Variants in ROBO1 observed in about 807,000 individuals in gnomAD.
ROBO1 encodes the protein roundabout homolog 1.
A neutral mutation model predicts 195.9 loss-of-function variants in ROBO1; 149 were observed. The ratio of observed to expected loss-of-function variants is 0.76; its 90% CI spans 0.67 to 0.87. The LOEUF is 0.87. Among genes scored for constraint, ROBO1 ranks in the 40% least tolerant of loss-of-function variants. The pLI is 0.00. For missense variants in ROBO1, 1,933 were observed against 2,068.3 expected (o/e 0.93, Z 1.27); for synonymous variants, 816 against 733.2 (o/e 1.11, Z -1.82).
chr3:79,436,739 T>C (rs2038902948), intron 2 of ROBO1, among the ~76,000 whole-genome samples: 1 of 152,078 alleles, frequency 6.6e-6, no homozygotes, highest in Non-Finnish European at 1.5e-5. Context: ...ATGAAGATCA[T>C]GTTCTTAATT....
intron 10 of ROBO1, among the ~76,000 whole-genome samples, chr3:78,675,636 G>A (rs1253899675): frequency 6.6e-6 from 1 of 152,160 alleles, no homozygotes; most frequent in Non-Finnish European, 1.5e-5. Context: ...CCATTGCCGA[G>A]TTAGTTGTTT....
chr3:79,343,472 GAAAT>G (rs989055765), intron 2 of ROBO1, among the ~76,000 whole-genome samples: 2 of 152,088 alleles, frequency 1.3e-5, no homozygotes, highest in Non-Finnish European at 2.9e-5. Flanking sequence ...ATTGGAATTT[GAAAT>G]AAATAAACTG....
At chr3:78,619,801 T>G (rs145009364) in intron 26 of ROBO1, among the ~76,000 whole-genome samples, 61 of 152,014 alleles carry the variant, frequency 4.0e-4, no homozygotes, top group African/African-American at 1.4e-3. Flanking sequence ...GTGGATCACC[T>G]GAGGTCAGGA....
chr3:78,883,170 T>G (rs2036287362), intron 4 of ROBO1, among the ~76,000 whole-genome samples: 1 of 152,090 alleles, frequency 6.6e-6, no homozygotes, highest in Admixed American at 6.6e-5. Context: ...GACAAGTCGT[T>G]GTGTTTAGTT....
chr3:79,555,471 A>G (rs1398452456), intron 2 of ROBO1, among the ~76,000 whole-genome samples: 4 of 152,152 alleles, frequency 2.6e-5, no homozygotes, highest in African/African-American at 9.7e-5. Flanking sequence ...AAAAACATAG[A>G]GAAGAAAGAG....
chr3:78,832,743 A>G (rs2032343439), intron 4 of ROBO1, among the ~76,000 whole-genome samples: 1 of 152,130 alleles, frequency 6.6e-6, no homozygotes, highest in African/African-American at 2.4e-5. Context: ...AGGTTGGTAG[A>G]AAAAACTAGG....
chr3:78,668,661 A>T, intron 11 of ROBO1, 96 bp from the exon 12 acceptor site: 1 of 1,005,866 alleles, frequency 9.9e-7, no homozygotes, highest in Non-Finnish European at 1.5e-6. Context: ...ATGAATATGG[A>T]TAACTGCATT....
intron 1 of ROBO1, among the ~76,000 whole-genome samples, chr3:79,720,937 C>T (rs542024679): frequency 2.0e-5 from 3 of 152,090 alleles, no homozygotes; most frequent in South Asian, 2.1e-4. Context: ...GGACTACAGG[C>T]GCCCGCCACC....
intron 3 of ROBO1, among the ~76,000 whole-genome samples, chr3:79,119,819 G>A (rs2080082753): frequency 6.6e-6 from 1 of 151,518 alleles, no homozygotes; most frequent in Non-Finnish European, 1.5e-5. Flanking sequence ...TGACCAGGCT[G>A]GAGTGCAGTG....
rs11427323 is a variant in ROBO1 at position 78,645,452 on chromosome 3, G to GAA, written c.2882+694_2882+695dup. ...GTAAGCTAGATGTTACTGTTTTGGA[G>GAA]AAAAAAAAAACATCTTATTGTGAAA... is the stretch of plus-strand genomic sequence containing the variant. On this transcript the variant is annotated intron_variant, in intron 21 of 30. Coordinates refer to ENST00000464233, the MANE Select transcript of ROBO1 (RefSeq NM_002941.4). Among the ~76,000 whole-genome samples, 916 of 146,386 alleles carry GAA rather than the reference G, an allele frequency of 6.3e-3. 8 individuals are homozygous for GAA. Among genetic ancestry groups the GAA allele is most frequent in the South Asian group, 0.018 (85 of 4,654 alleles).
At chr3:78,883,760 G>A (rs542188369) in intron 4 of ROBO1, among the ~76,000 whole-genome samples, 4 of 152,210 alleles carry the variant, frequency 2.6e-5, no homozygotes, top group African/African-American at 9.6e-5. Flanking sequence ...GTTTGCTCAA[G>A]AGTCCAATAT....
At chr3:78,882,891 C>A (rs2036269400) in intron 4 of ROBO1, among the ~76,000 whole-genome samples, 1 of 149,854 alleles carries the variant, frequency 6.7e-6, no homozygotes, top group South Asian at 2.1e-4. Flanking sequence ...TGGCTCACTG[C>A]AATCTCCGCC....
intron 4 of ROBO1, among the ~76,000 whole-genome samples, chr3:78,911,503 T>C (rs1049179897): frequency 6.6e-6 from 1 of 152,016 alleles, no homozygotes; most frequent in Admixed American, 6.6e-5. Flanking sequence ...CTTTTATAGA[T>C]ATGAACTGTA....
chr3:78,834,975 C>T (rs2032577629), intron 4 of ROBO1, among the ~76,000 whole-genome samples: 1 of 152,130 alleles, frequency 6.6e-6, no homozygotes, highest in Admixed American at 6.6e-5. Flanking sequence ...CAACTTGAGT[C>T]CACAACTACA....
chr3:79,616,730 T>C (rs751318028), intron 1 of ROBO1, among the ~76,000 whole-genome samples: 1 of 152,134 alleles, frequency 6.6e-6, no homozygotes, highest in African/African-American at 2.4e-5. Flanking sequence ...GCTGTGGATA[T>C]GGCATGTCTT....
intron 29 of ROBO1, among the ~76,000 whole-genome samples, chr3:78,602,152 G>C (rs1254286339): frequency 6.6e-6 from 1 of 151,996 alleles, no homozygotes; most frequent in African/African-American, 2.4e-5. Flanking sequence ...TTGGAGGTGG[G>C]GCCAGGTGGG....
chr3:79,028,286 G>A (rs1416136897), intron 3 of ROBO1, among the ~76,000 whole-genome samples: 2 of 151,380 alleles, frequency 1.3e-5, no homozygotes, highest in Non-Finnish European at 3.0e-5. Context: ...TTTTCACTTT[G>A]CATATAAAGA....
At chr3:79,091,817 G>C (rs1229057844) in intron 3 of ROBO1, among the ~76,000 whole-genome samples, 1 of 152,146 alleles carries the variant, frequency 6.6e-6, no homozygotes, top group Non-Finnish European at 1.5e-5. Context: ...TGACTGGAGT[G>C]TTGGAGGGAC....
At chr3:78,717,954 TAAGTG>T in intron 5 of ROBO1, 71 bp from the exon 6 acceptor site, 1 of 1,433,582 alleles carries the variant, frequency 7.0e-7, no homozygotes, top group East Asian at 2.3e-5. Context: ...GATGTCTTCA[TAAGTG>T]AAGACTGCTT....
Sources: gnomAD v4.1 joint callset for allele counts (sites outside exome capture counted in the v4.1 genomes callset) on GRCh38, gnomAD v4.1.1 for gene constraint, MANE v1.5 for transcripts, NCBI Gene and HGNC (gene_info 2026-07-23, HGNC 2026-07-21) for gene names.